Variants in TNS1 observed in about 807,000 individuals in gnomAD.
TNS1 encodes tensin-1.
Under a neutral mutation model 168.6 loss-of-function variants are expected in TNS1, and 62 were observed. The ratio of observed to expected loss-of-function variants is 0.37; its 90% CI spans 0.30 to 0.45. TNS1 has a LOEUF of 0.45. Ranked by LOEUF, TNS1 falls within the 20% of genes least tolerant of loss-of-function variation. The pLI, the probability that TNS1 is intolerant of heterozygous loss-of-function variation, is 1.00. For missense variants in TNS1, 2,240 were observed against 2,339.4 expected (o/e 0.96, Z 0.88); for synonymous variants, 934 against 933.2 (o/e 1.00, Z -0.02).
chr2:218,028,111 C>G (rs888477897), intron 1 of TNS1, among the ~76,000 whole-genome samples: 8 of 152,222 alleles, frequency 5.3e-5, no homozygotes, highest in African/African-American at 1.9e-4. Context: ...AGCTGGTCAC[C>G]AGGCTCTAAA....
chr2:217,847,830 T>C lies in TNS1; in HGVS notation c.2687A>G (p.His896Arg), dbSNP rs754360873. The C allele has an allele frequency of 3.8e-6, 6 of 1,595,206 alleles. No individual in the cohort carries two copies. The highest frequency in any genetic ancestry group is 5.2e-6 in the Non-Finnish European group (6 of 1,164,656). ...QSRSGYIPSG[H>R]SLGTPEPAPR... ...GGCTGGCTCAGGGGTTCCCAACGAA[T>C]GCCCACTGGGGATATAGCCAGATCT... Residue 896 changes from histidine to arginine, a missense_variant, in exon 19 of 33, where the codon CAT (histidine) becomes CGT (arginine). Around this residue, in one of 2 missense-constraint regions of TNS1, gnomAD observed 2,131 missense variants for 2,171.2 expected, o/e 0.98. Transcript: ENST00000682258.
intron 18 of TNS1, among the ~76,000 whole-genome samples, chr2:217,870,580 G>C (rs1949687901): frequency 6.6e-6 from 1 of 152,200 alleles, no homozygotes; most frequent in African/African-American, 2.4e-5. Context: ...GAGGGGGAAA[G>C]AGTACACACT....
chr2:217,996,134 G>A (rs1434501459), intron 1 of TNS1, among the ~76,000 whole-genome samples: 1 of 152,162 alleles, frequency 6.6e-6, no homozygotes, highest in Non-Finnish European at 1.5e-5. Context: ...AGACCCCGGG[G>A]TCCCCAGCTC....
intron 6 of TNS1, chr2:217,905,486 G>T: frequency 2.9e-6 from 1 of 339,260 alleles, no homozygotes; most frequent in Non-Finnish European, 6.0e-6. Flanking sequence ...TCCTGCTCCC[G>T]CAGCACTCCC....
upstream of TNS1, chr2:218,003,100 T>C (rs1958598118): frequency 2.8e-6 from 1 of 356,156 alleles, no homozygotes; most frequent in Non-Finnish European, 5.5e-6. Flanking sequence ...CCTCCCAGGC[T>C]CCACCGGTGG....
intron 18 of TNS1, among the ~76,000 whole-genome samples, chr2:217,857,969 A>G (rs1320578826): frequency 1.3e-5 from 2 of 152,170 alleles, no homozygotes; most frequent in African/African-American, 4.8e-5. Flanking sequence ...GAGGAGAGTC[A>G]AGCTGCCAAA....
intron 2 of TNS1, among the ~76,000 whole-genome samples, chr2:217,982,751 T>G (rs1397046428): frequency 6.6e-6 from 1 of 152,156 alleles, no homozygotes; most frequent in Non-Finnish European, 1.5e-5. Flanking sequence ...TATGCAGTAC[T>G]AGATCACTGA....
chr2:217,918,317 G>A (rs1955317232), intron 4 of TNS1, among the ~76,000 whole-genome samples: 1 of 152,208 alleles, frequency 6.6e-6, no homozygotes, highest in African/African-American at 2.4e-5. Context: ...TGCAGAAGGA[G>A]GTGGTCTAAC....
intron 3 of TNS1, among the ~76,000 whole-genome samples, chr2:217,957,005 T>G (rs568024639): frequency 6.2e-4 from 94 of 152,308 alleles, no homozygotes; most frequent in Non-Finnish European, 1.1e-3. Flanking sequence ...TGACCCAAGC[T>G]TGACAGCAGC....
chr2:217,830,770 C>G (rs921223387), intron 22 of TNS1, among the ~76,000 whole-genome samples: 27 of 152,198 alleles, frequency 1.8e-4, no homozygotes. Context: ...GGGGGATGAG[C>G]ACAGGCCAGG....
At chr2:217,901,507 C>T (rs1165367881) in intron 6 of TNS1, among the ~76,000 whole-genome samples, 3 of 152,216 alleles carry the variant, frequency 2.0e-5, no homozygotes, top group East Asian at 1.9e-4. Context: ...CTCTACCCAT[C>T]CTTCCAGTCA....
chr2:217,925,384 CT>C (rs1955963977), intron 3 of TNS1, among the ~76,000 whole-genome samples: 1 of 152,164 alleles, frequency 6.6e-6, no homozygotes, highest in Non-Finnish European at 1.5e-5. Context: ...GGTGACACTC[CT>C]GTCCCCAGGC....
chr2:218,009,480 C>CTGGGGA (rs1452055237), intron 1 of TNS1, among the ~76,000 whole-genome samples: 3 of 152,100 alleles, frequency 2.0e-5, no homozygotes, highest in African/African-American at 7.2e-5. Context: ...CACGCCCACC[C>CTGGGGA]ACAGCACTGC....
upstream of TNS1, among the ~76,000 whole-genome samples, chr2:218,007,744 G>C (rs1330921048): frequency 6.6e-6 from 1 of 152,042 alleles, no homozygotes; most frequent in Non-Finnish European, 1.5e-5. Flanking sequence ...CCTCCCTTAG[G>C]TAAGCCATGT....
chr2:217,850,476 G>A, intron 18 of TNS1: 3 of 985,154 alleles, frequency 3.0e-6, no homozygotes, highest in South Asian at 4.7e-5. Context: ...AGCGCTGGGT[G>A]GCTCGGGGCC....
At chr2:217,910,630 C>T (rs1421745402) in intron 4 of TNS1, among the ~76,000 whole-genome samples, 2 of 151,712 alleles carry the variant, frequency 1.3e-5, no homozygotes, top group East Asian at 2.0e-4. Context: ...CTGGCACTCC[C>T]GGGACCCTCT....
At chr2:217,871,992 C>G (rs1354788215) in intron 18 of TNS1, among the ~76,000 whole-genome samples, 1 of 152,258 alleles carries the variant, frequency 6.6e-6, no homozygotes, top group Non-Finnish European at 1.5e-5. Flanking sequence ...CAGTGCAAAT[C>G]CCTGACTGGT....
intron 27 of TNS1, among the ~76,000 whole-genome samples, chr2:217,812,755 T>C (rs1281301595): frequency 2.0e-5 from 3 of 152,200 alleles, no homozygotes; most frequent in Non-Finnish European, 2.9e-5. Context: ...GATCAGAGAA[T>C]TGTGGGATCC....
At chr2:217,895,104 G>A (rs768472137) in intron 8 of TNS1, 48 bp from the exon 9 acceptor site, 1 of 1,562,120 alleles carries the variant, frequency 6.4e-7, no homozygotes, top group East Asian at 2.3e-5. Flanking sequence ...GGGTGAGGAG[G>A]GCGGCGAGGA....
Sources: gnomAD v4.1 joint callset for allele counts (sites outside exome capture counted in the v4.1 genomes callset) on GRCh38, gnomAD v4.1.1 for gene constraint, gnomAD v4.1.1 regional missense constraint, MANE v1.5 for transcripts, NCBI Gene and HGNC (gene_info 2026-07-23, HGNC 2026-07-21) for gene names.